SLTM: variants seen among roughly 807,000 people sequenced by gnomAD.
The protein encoded by SLTM is SAFB like transcription modulator, also known as SAFB-like transcription modulator.
Under a neutral mutation model 134.6 loss-of-function variants are expected in SLTM, and 43 were observed. That is an observed-to-expected ratio of 0.32 (90% CI 0.25 to 0.41). The LOEUF is 0.41. Ranked by LOEUF, SLTM falls within the 10% of genes least tolerant of loss-of-function variation. The pLI is 1.00. For missense variants in SLTM, 1,055 were observed against 1,288.8 expected (o/e 0.82, Z 2.78); for synonymous variants, 424 against 432.3 (o/e 0.98, Z 0.24).
intron 20 of SLTM, among the ~76,000 whole-genome samples, chr15:58,881,460 G>C (rs1049251155): frequency 6.6e-6 from 1 of 151,932 alleles, no homozygotes; most frequent in Non-Finnish European, 1.5e-5. Flanking sequence ...CCAGGAGGCG[G>C]AGGATGCAGT....
intron 2 of SLTM, among the ~76,000 whole-genome samples, chr15:58,921,951 T>C (rs1215823589): frequency 6.6e-6 from 1 of 152,102 alleles, no homozygotes; most frequent in Non-Finnish European, 1.5e-5. Context: ...ATTTTTGTAT[T>C]TTTAGTAGAG....
Position 58,899,133 on chromosome 15 carries a change from C to T in SLTM, c.1059-281G>A. On this transcript the variant is annotated intron_variant, in intron 7 of 20. Transcript: ENST00000380516. This position sits in a 1 kb window ranked among gnomAD's most constrained non-coding sequence, Gnocchi z 5.0. ...CTGGGACTTGACTTCATTTTGTGTT[C>T]TTAGAACTGATAGTTGTTCATTAAC... The T allele has an allele frequency of 2.4e-6, 1 of 420,744 alleles. No individual in the cohort carries two copies. The highest frequency in any genetic ancestry group is 4.2e-6 in the Non-Finnish European group (1 of 238,260). The allele number at this position is 420,744 out of a possible 1,614,324, so 26.1% of individuals were successfully genotyped here.
chr15:58,922,547 TGTATATA>T (rs1450579628), intron 2 of SLTM, among the ~76,000 whole-genome samples: 3 of 734 alleles, frequency 4.1e-3, no homozygotes, highest in Admixed American at 0.013. Flanking sequence ...ATATTTTATA[TGTATATA>T]ATATGTATAT....
chr15:58,926,491 C>G (rs1253381699), intron 2 of SLTM, among the ~76,000 whole-genome samples: 1 of 151,990 alleles, frequency 6.6e-6, no homozygotes, highest in Non-Finnish European at 1.5e-5. Context: ...GAAAGCTTTA[C>G]AGAGTAAACA....
chr15:58,921,107 C>T (rs2037012762), intron 2 of SLTM, among the ~76,000 whole-genome samples: 1 of 152,192 alleles, frequency 6.6e-6, no homozygotes, highest in Non-Finnish European at 1.5e-5. Context: ...ACTTCAGCAA[C>T]AAAAACAGCA....
chr15:58,894,713 T>C, intron 9 of SLTM, 131 bp from the exon 10 acceptor site: 1 of 948,836 alleles, frequency 1.1e-6, no homozygotes, highest in African/African-American at 1.7e-5. Flanking sequence ...ATGTTTTTTT[T>C]TTTTTTTTTG....
At chr15:58,905,503 G>A (rs963822899) in intron 5 of SLTM, among the ~76,000 whole-genome samples, 13 of 152,038 alleles carry the variant, frequency 8.6e-5, no homozygotes, top group African/African-American at 3.1e-4. Context: ...ACGAGTTTGA[G>A]ACCAGCCTGG....
chr15:58,923,908 G>A (rs563507918), intron 2 of SLTM, among the ~76,000 whole-genome samples: 18 of 142,098 alleles, frequency 1.3e-4, no homozygotes, highest in African/African-American at 3.9e-4. Context: ...TCTGCCTTCC[G>A]AGTTCAAGCA....
Position 58,879,627 on chromosome 15 carries a change from G to T in SLTM, c.*372C>A, listed in dbSNP as rs987134110. On this transcript the variant is annotated 3_prime_UTR_variant, in exon 21 of 21. Transcript: ENST00000380516. ...AGCCTTCAAAATGGAGGCTGAAAAT[G>T]CTTGGTAAAAAGAAGTAACTCTAGA... is the stretch of plus-strand genomic sequence containing the variant. 3.9e-4 allele frequency: 63 copies of T among 159,618 alleles called. No individual in the cohort carries two copies. The highest frequency in any genetic ancestry group is 2.0e-4 in the South Asian group (1 of 5,128). The allele number at this position is 159,618 out of a possible 1,614,324, so 9.9% of individuals were successfully genotyped here.
chr15:58,926,067 C>G (rs1051078471), intron 2 of SLTM, among the ~76,000 whole-genome samples: 2 of 152,140 alleles, frequency 1.3e-5, no homozygotes, highest in South Asian at 4.1e-4. Context: ...ACCTGGGGAG[C>G]TTTTAGAAAA....
chr15:58,924,204 A>C (rs1415555735), intron 2 of SLTM, among the ~76,000 whole-genome samples: 8 of 152,254 alleles, frequency 5.3e-5, no homozygotes, highest in Non-Finnish European at 7.3e-5. Context: ...AAATGAAAGC[A>C]AGATTAACCT....
chr15:58,933,632 C>A lies in SLTM; in HGVS notation c.-67G>T. On this transcript the variant is annotated 5_prime_UTR_variant, in exon 1 of 21. Transcript: ENST00000380516. The stretch of plus-strand genomic sequence containing the variant: ...AGGGCGGCGGCAGCAGCGCCAACTT[C>A]CACCCAGGCCTCGGCGGCCGCCGGC... 1 of 1,418,362 alleles carries A rather than the reference C, an allele frequency of 7.1e-7. No individual in the cohort carries two copies. Among genetic ancestry groups the A allele is most frequent in the South Asian group, 1.5e-5 (1 of 68,572 alleles). The allele number at this position is 1,418,362 out of a possible 1,614,324, so 87.9% of individuals were successfully genotyped here.
rs372998615 is a variant in SLTM, at chr15:58,893,309, A to G, written c.1704T>C (p.Cys568=). 7 of 1,611,706 alleles carry G rather than the reference A, an allele frequency of 4.3e-6. No individual in the cohort carries two copies. Among genetic ancestry groups the G allele is most frequent in the East Asian group, 2.2e-5 (1 of 44,764 alleles). ...CATATCTTCCTCTTCTTGATGGTCT[A>G]CAATGATCTCCTTTAGTTTGGTCTA... is the stretch of plus-strand genomic sequence containing the variant. ...VILDQTKGDH[C]RPSRRGRYEK... is the part of the protein sequence containing the mutation. Residue 568 remains cysteine, a synonymous_variant, in exon 13 of 21, where the codon TGT becomes TGC. Transcript: ENST00000380516.
At chr15:58,933,202 G>A (rs1391255376) in intron 1 of SLTM, among the ~76,000 whole-genome samples, 3 of 151,578 alleles carry the variant, frequency 2.0e-5, no homozygotes. Context: ...TCGCAGGCCC[G>A]GCCCGGCCCG....
At position 58,879,794 on chromosome 15, in the gene SLTM, G is replaced by T; in HGVS notation, c.*205C>A. ...CCTCGGTGCTGCAAGAAAAAAAGTT[G>T]AATGATACACAAAACTATTAAAAGT... is the stretch of plus-strand genomic sequence containing the variant. On this transcript the variant is annotated 3_prime_UTR_variant, in exon 21 of 21. Transcript: ENST00000380516. The T allele has an allele frequency of 1.7e-6, 1 of 575,098 alleles. No homozygotes were observed. The highest frequency in any genetic ancestry group is 1.9e-5 in the African/African-American group (1 of 52,644). The allele number at this position is 575,098 out of a possible 1,614,324, so 35.6% of individuals were successfully genotyped here.
At chr15:58,903,736 T>G (rs1386216965) in intron 5 of SLTM, among the ~76,000 whole-genome samples, 14 of 150,596 alleles carry the variant, frequency 9.3e-5, no homozygotes, top group African/African-American at 2.7e-4. Flanking sequence ...AGAATGTGCA[T>G]CTCTAACAAG....
intron 5 of SLTM, among the ~76,000 whole-genome samples, chr15:58,911,862 G>C (rs1341044286): frequency 6.6e-6 from 1 of 152,054 alleles, no homozygotes; most frequent in African/African-American, 2.4e-5. Flanking sequence ...TGTTGTAGGA[G>C]TGTTACATTA....
Position 58,899,411 on chromosome 15 carries a change from G to T in SLTM, c.1058+58C>A. ...CTTGAAGCCACCCCCTTAATGTAGA[G>T]TGATCTTATTGAATGCTGGAATTCA... On this transcript the variant is annotated intron_variant, in intron 7 of 20. Transcript: ENST00000380516. This position sits in a 1 kb window ranked among gnomAD's most constrained non-coding sequence, Gnocchi z 5.0. The T allele has an allele frequency of 7.2e-7, 1 of 1,383,812 alleles. No homozygotes were observed. Among genetic ancestry groups the T allele is most frequent in the Non-Finnish European group, 1.0e-6 (1 of 977,284 alleles). 85.7% of individuals were successfully genotyped at this position (1,383,812 alleles called of 1,614,324 possible).
intron 19 of SLTM, among the ~76,000 whole-genome samples, chr15:58,885,667 C>T (rs555690509): frequency 6.6e-6 from 1 of 152,152 alleles, no homozygotes; most frequent in East Asian, 1.9e-4. Context: ...ATCTGTAGTC[C>T]CAGCTAATCG....
Sources: gnomAD v4.1 joint callset for allele counts (sites outside exome capture counted in the v4.1 genomes callset) on GRCh38, gnomAD v4.1.1 for gene constraint, Gnocchi (gnomAD v3.1) non-coding constraint, MANE v1.5 for transcripts, NCBI Gene and HGNC (gene_info 2026-07-23, HGNC 2026-07-21) for gene names.